PXMP4: variants seen among roughly 807,000 people sequenced by gnomAD.
PXMP4 encodes peroxisomal membrane protein 4.
Under a neutral mutation model 21.6 loss-of-function variants are expected in PXMP4, and 16 were observed. That is an observed-to-expected ratio of 0.74 (90% CI 0.50 to 1.13). The LOEUF is 1.13. Among genes scored for constraint, PXMP4 ranks in the 50% most tolerant of loss-of-function variants. The pLI is 0.00. For missense variants in PXMP4, 240 were observed against 277.7 expected (o/e 0.86, Z 0.96); for synonymous variants, 127 against 123.8 (o/e 1.03, Z -0.17).
chr20:33,715,352 G>C (rs2018372100), intron 1 of PXMP4, among the ~76,000 whole-genome samples: 2 of 151,550 alleles, frequency 1.3e-5, no homozygotes. Context: ...TGTTGCCCAG[G>C]CTGGTCTGGA....
chr20:33,711,541 T>C (rs1323355606), intron 2 of PXMP4, among the ~76,000 whole-genome samples: 2 of 152,106 alleles, frequency 1.3e-5, no homozygotes, highest in African/African-American at 4.8e-5. Flanking sequence ...GAAGTGAACA[T>C]TTAGATAGAG....
intron 1 of PXMP4, among the ~76,000 whole-genome samples, chr20:33,715,057 T>C (rs1446056959): frequency 6.6e-6 from 1 of 152,096 alleles, no homozygotes; most frequent in East Asian, 1.9e-4. Flanking sequence ...CCTGAACTCC[T>C]GGAATCCAGC....
In PXMP4 at chr20:33,705,044, GA is replaced by G. The variant is rs2018243448; in HGVS notation, c.*2661del. Reference sequence around the variant, plus strand: ...AGAGTCTTACTCTGTCACCCAGGCTGAAGTGTAATGGAACTATCTCGGCTCA... The same window carrying G: ...AGAGTCTTACTCTGTCACCCAGGCTGAGTGTAATGGAACTATCTCGGCTCA... On this transcript the variant is annotated 3_prime_UTR_variant, in exon 4 of 4. Coordinates refer to ENST00000409299, the MANE Select transcript of PXMP4 (RefSeq NM_007238.5). 7.2e-6 allele frequency: 1 copy of G among 139,584 alleles called. No individual in the cohort carries two copies. Among genetic ancestry groups the G allele is most frequent in the Non-Finnish European group, 1.5e-5 (1 of 66,300 alleles). The allele number at this position is 139,584 out of a possible 1,614,324, so 8.6% of individuals were successfully genotyped here.
rs542992161 is a variant in PXMP4, at chr20:33,717,132, C to T, written c.114-2396G>A. On this transcript the variant is annotated intron_variant, in intron 1 of 3. Transcript: ENST00000409299. ...GGCAGAGGCTGCAGCGAGTTAAGAT[C>T]GTGCCACTGTACTCCAGCCTGGGCA... is the stretch of plus-strand genomic sequence containing the variant. Among the ~76,000 whole-genome samples the T allele has an allele frequency of 4.6e-5, 7 of 152,122 alleles. No homozygotes were observed. The East Asian group carries it at 7.7e-4, about 17-fold the overall frequency.
At chr20:33,718,691 G>A (rs902871611) in intron 1 of PXMP4, among the ~76,000 whole-genome samples, 4 of 151,976 alleles carry the variant, frequency 2.6e-5, no homozygotes, top group African/African-American at 7.3e-5. Context: ...TTTGAATCCC[G>A]GCTCCAACCG....
At chr20:33,714,292 G>C (rs566952541) in intron 2 of PXMP4, among the ~76,000 whole-genome samples, 1 of 152,230 alleles carries the variant, frequency 6.6e-6, no homozygotes, top group Admixed American at 6.5e-5. Flanking sequence ...TCAGCACTGT[G>C]GAAGGCCCCT....
intron 3 of PXMP4, 21 bp downstream of exon 3, chr20:33,710,534 C>A: frequency 6.4e-7 from 1 of 1,560,846 alleles, no homozygotes. Context: ...TTCACTACCC[C>A]CATCTCGGGA....
At chr20:33,714,961 G>T (rs2018368695) in intron 1 of PXMP4, among the ~76,000 whole-genome samples, 1 of 152,040 alleles carries the variant, frequency 6.6e-6, no homozygotes, top group Admixed American at 6.6e-5. Context: ...CATAAAAAGG[G>T]ATGTTTATTT....
chr20:33,717,854 T>C (rs548963573), intron 1 of PXMP4, among the ~76,000 whole-genome samples: 69 of 152,208 alleles, frequency 4.5e-4, no homozygotes, highest in African/African-American at 1.6e-3. Context: ...GCCAAAGCCC[T>C]GCCATGTTTT....
intron 2 of PXMP4, among the ~76,000 whole-genome samples, chr20:33,713,649 C>G (rs2018354813): frequency 6.6e-6 from 1 of 152,028 alleles, no homozygotes; most frequent in Non-Finnish European, 1.5e-5. Context: ...AGCAGATGCT[C>G]AATAAATATC....
intron 2 of PXMP4, 92 bp downstream of exon 2, chr20:33,714,582 G>T (rs774799883): frequency 5.8e-5 from 73 of 1,251,568 alleles, no homozygotes; most frequent in South Asian, 1.7e-4. Context: ...AAGGCGTGAT[G>T]GGGGGACAGG....
chr20:33,720,068 C>A (rs761426422), intron 1 of PXMP4, 27 bp downstream of exon 1: 2 of 1,607,944 alleles, frequency 1.2e-6, no homozygotes, highest in South Asian at 2.2e-5. Context: ...TCCCTCAGCC[C>A]CAGCCCGGCC....
At chr20:33,714,588 A>G in intron 2 of PXMP4, 86 bp downstream of exon 2, 1 of 1,313,928 alleles carries the variant, frequency 7.6e-7, no homozygotes, top group East Asian at 2.3e-5. Context: ...TGATGGGGGG[A>G]CAGGGTAGAC....
chr20:33,715,584 C>T lies in PXMP4; in HGVS notation c.114-848G>A, dbSNP rs2018374592. 2.6e-5 allele frequency among the ~76,000 whole-genome samples: 4 copies of T among 151,842 alleles called. No individual in the cohort carries two copies. The South Asian group carries it at 8.3e-4, about 32-fold the overall frequency. ...GGGATTACAGGCACGTGCCACCATGCCTGGCTAATTTTTGTATTTTTAGTA... is the reference window on the plus strand; with the variant it reads ...GGGATTACAGGCACGTGCCACCATGTCTGGCTAATTTTTGTATTTTTAGTA... On this transcript the variant is annotated intron_variant, in intron 1 of 3. Transcript: ENST00000409299.
chr20:33,719,847 A>C (rs1233106924), intron 1 of PXMP4, among the ~76,000 whole-genome samples: 1 of 152,238 alleles, frequency 6.6e-6, no homozygotes, highest in Non-Finnish European at 1.5e-5. Flanking sequence ...GGAGGAGTCA[A>C]AGCAAGAGGG....
intron 2 of PXMP4, among the ~76,000 whole-genome samples, chr20:33,713,894 T>C (rs143923998): frequency 9.8e-4 from 149 of 152,016 alleles, no homozygotes; most frequent in African/African-American, 3.4e-3. Context: ...CTACGGGAGA[T>C]GACAGGAAGG....
Position 33,706,875 on chromosome 20 carries a change from A to G in PXMP4, c.*831T>C, listed in dbSNP as rs1160434001. 1 of 152,148 alleles carries G rather than the reference A, an allele frequency of 6.6e-6. No individual in the cohort carries two copies. Among genetic ancestry groups the G allele is most frequent in the East Asian group, 1.9e-4 (1 of 5,196 alleles). The allele number at this position is 152,148 out of a possible 1,614,324, so 9.4% of individuals were successfully genotyped here. A position where few individuals can be genotyped will look rare whatever the true frequency, so the allele number is the denominator to read the frequency against. ...ATAACTTTTAGAAATTTGTGTTAAA[A>G]TATATAGTGAAGATTAATCTCACCT... is the stretch of plus-strand genomic sequence containing the variant. On this transcript the variant is annotated 3_prime_UTR_variant, in exon 4 of 4. Coordinates refer to ENST00000409299, the MANE Select transcript of PXMP4 (RefSeq NM_007238.5).
In PXMP4 at chr20:33,714,722, AT is replaced by A; in HGVS notation, c.127del (p.Ile43SerfsTer9). 6.2e-7 allele frequency: 1 copy of A among 1,613,986 alleles called. No individual in the cohort carries two copies. Among genetic ancestry groups the A allele is most frequent in the Non-Finnish European group, 8.5e-7 (1 of 1,179,978 alleles). On this transcript the variant is annotated frameshift_variant, in exon 2 of 4. Coordinates refer to ENST00000409299, the MANE Select transcript of PXMP4 (RefSeq NM_007238.5). LOFTEE classifies it high-confidence loss of function. ...CATGACCAGCGCGTGAGGGGCCCGG[AT>A]TTTGGCTCCATAGCTGTAGAAACAG... ...FRNGAVYGAK[I>X]RAPHALVMTF... is the part of the protein sequence containing the mutation.
In PXMP4 at chr20:33,706,909, T is replaced by C. The variant is rs892277620; in HGVS notation, c.*797A>G. 5 of 152,180 alleles carry C rather than the reference T, an allele frequency of 3.3e-5. No homozygotes were observed. Among genetic ancestry groups the C allele is most frequent in the African/African-American group, 9.7e-5 (4 of 41,446 alleles). The allele number at this position is 152,180 out of a possible 1,614,324, so 9.4% of individuals were successfully genotyped here. ...GAAGATTAATCTCACCTTTTTTTTT[T>C]CTTTGGTGAGACAGGGTCTCACTGT... On this transcript the variant is annotated 3_prime_UTR_variant, in exon 4 of 4. Transcript: ENST00000409299.
Sources: allele counts gnomAD v4.1 joint callset (sites outside exome capture counted in the v4.1 genomes callset), GRCh38; gene constraint gnomAD v4.1.1; transcripts MANE v1.5; gene names NCBI Gene and HGNC (gene_info 2026-07-23, HGNC 2026-07-21).